ZNF717: variants seen among roughly 807,000 people sequenced by gnomAD.
ZNF717 encodes the protein zinc finger protein 717.
In ZNF717, 9 loss-of-function variants were observed where a neutral mutation model predicts 13.8. The observed-to-expected ratio is 0.65, with a 90% confidence interval of 0.39 to 1.14. The LOEUF is 1.14. ZNF717 is among the 50% of genes most tolerant of loss of function. ZNF717 has a pLI of 0.01. For synonymous variants in ZNF717, 327 were observed against 364.1 expected (o/e 0.90, Z 1.16); for missense variants, 1,040 against 1,080.7 (o/e 0.96, Z 0.53).
downstream of ZNF717, among the ~76,000 whole-genome samples, chr3:75,728,614 C>T (rs1480255213): frequency 6.6e-6 from 1 of 152,204 alleles, no homozygotes; most frequent in East Asian, 1.9e-4. Context: ...CACATGAGAT[C>T]TGATGGTTTT....
downstream of ZNF717, among the ~76,000 whole-genome samples, chr3:75,707,594 C>T (rs75527496): frequency 9.3e-6 from 1 of 107,860 alleles, no homozygotes; most frequent in Non-Finnish European, 2.0e-5. Context: ...GAGTGCCAGA[C>T]AGTGGGTGCA....
At chr3:75,748,984 G>A (rs372832384) in intron 2 of ZNF717, among the ~76,000 whole-genome samples, 67 of 149,172 alleles carry the variant, frequency 4.5e-4, no homozygotes, top group African/African-American at 1.6e-3. Context: ...CCCTCACATA[G>A]GATTTCAAAA....
intron 2 of ZNF717, among the ~76,000 whole-genome samples, chr3:75,780,231 G>T (rs573639312): frequency 6.6e-6 from 1 of 151,706 alleles, no homozygotes; most frequent in Non-Finnish European, 1.5e-5. Flanking sequence ...AACAATGGGA[G>T]TGACGTGCTA....
chr3:75,724,201 A>T (rs75852632), intron 4 of ZNF717, among the ~76,000 whole-genome samples: 425 of 120,240 alleles, frequency 3.5e-3, no homozygotes, highest in Admixed American at 5.5e-3. Context: ...TTGTATCCAA[A>T]AAATAACAGC....
In ZNF717 at chr3:75,737,902, C is replaced by G. The variant is rs1332340990; in HGVS notation, c.1721G>C (p.Cys574Ser). ...ECNECGKSFH[C>S]KSFLTIHQRT... ...CTGATGTATAGTTAGGAATGACTTACAGTGAAAGGATTTTCCACATTCATT... is the reference window on the plus strand; with the variant it reads ...CTGATGTATAGTTAGGAATGACTTAGAGTGAAAGGATTTTCCACATTCATT... Residue 574 changes from cysteine to serine, a missense_variant, in exon 5 of 5, where the codon TGT becomes TCT. Coordinates refer to ENST00000652011, the MANE Select transcript of ZNF717 (RefSeq NM_001290208.3). The G allele has an allele frequency of 1.9e-6, 3 of 1,547,018 alleles. No individual in the cohort carries two copies. Among genetic ancestry groups the G allele is most frequent in the East Asian group, 4.9e-5 (2 of 40,634 alleles).
Position 75,738,152 on chromosome 3 carries a change from T to TA in ZNF717, c.1470dup (p.Lys491Ter). ...CATTGATGGATAGTGAGGAATGACT[T>TA]ACGGTGAAACGTTTTCCCACATTCA... On this transcript the variant is annotated frameshift_variant, in exon 5 of 5. Transcript: ENST00000652011. LOFTEE classifies it low-confidence loss of function (END_TRUNC). The TA allele has an allele frequency of 2.2e-6, 3 of 1,364,654 alleles. No individual in the cohort carries two copies. The highest frequency in any genetic ancestry group is 1.4e-5 in the South Asian group (1 of 70,284). The allele number at this position is 1,364,654 out of a possible 1,614,324, so 84.5% of individuals were successfully genotyped here.
chr3:75,724,082 C>CT (rs1938226118), intron 4 of ZNF717, among the ~76,000 whole-genome samples: 2 of 150,400 alleles, frequency 1.3e-5, no homozygotes, highest in East Asian at 2.0e-4. Flanking sequence ...TCTCTCTCTC[C>CT]CCACCTCGGC....
At chr3:75,705,687 G>T (rs892679386), downstream of ZNF717, among the ~76,000 whole-genome samples, 14 of 152,278 alleles carry the variant, frequency 9.2e-5, no homozygotes, top group Non-Finnish European at 1.8e-4. Flanking sequence ...ACATGCAGTA[G>T]GGCCTCTTAT....
rs1387157537 is a variant in ZNF717, at chr3:75,776,332, A to G, written c.57+6974T>C. On this transcript the variant is annotated intron_variant, in intron 2 of 4. Coordinates refer to ENST00000652011, the MANE Select transcript of ZNF717 (RefSeq NM_001290208.3). ...AACCTATATTCCTAGGAAAACAATC[A>G]AAACTTCAGGTACATTTGGTTACCT... is the stretch of plus-strand genomic sequence containing the variant. Among the ~76,000 whole-genome samples, 3 of 152,408 alleles carry G rather than the reference A, an allele frequency of 2.0e-5. No individual in the cohort carries two copies. In the East Asian group the frequency reaches 5.8e-4, roughly 29 times the overall value.
At chr3:75,770,687 T>C (rs1382975801) in intron 2 of ZNF717, among the ~76,000 whole-genome samples, 1 of 152,204 alleles carries the variant, frequency 6.6e-6, no homozygotes, top group Non-Finnish European at 1.5e-5. Context: ...GGCTGCATGG[T>C]AGTAATACCA....
At chr3:75,765,013 A>ATGTGTGTGTG (rs1559661747) in intron 2 of ZNF717, among the ~76,000 whole-genome samples, 2 of 19,568 alleles carry the variant, frequency 1.0e-4, no homozygotes, top group African/African-American at 2.8e-4. Context: ...ATATATATAT[A>ATGTGTGTGTG]TATATATATA....
At chr3:75,778,802 T>C (rs529750267) in intron 2 of ZNF717, among the ~76,000 whole-genome samples, 12 of 121,898 alleles carry the variant, frequency 9.8e-5, no homozygotes, top group Non-Finnish European at 1.8e-4. Context: ...ATGGGAGTGA[T>C]ATGCTAAAAC....
intron 5 of ZNF717, among the ~76,000 whole-genome samples, chr3:75,713,610 A>G (rs147919311): frequency 6.6e-6 from 1 of 151,784 alleles, no homozygotes; most frequent in Non-Finnish European, 1.5e-5. Context: ...CATATAACAT[A>G]TCCACATAAA....
chr3:75,768,367 G>C (rs1357963287), intron 2 of ZNF717, among the ~76,000 whole-genome samples: 5 of 121,540 alleles, frequency 4.1e-5, no homozygotes, highest in South Asian at 5.9e-4. Context: ...GTGTGGGGGG[G>C]GGGGGTAGAT....
chr3:75,703,398 T>C (rs1474038212), intron 6 of ZNF717, among the ~76,000 whole-genome samples: 28 of 152,294 alleles, frequency 1.8e-4, no homozygotes, highest in Non-Finnish European at 3.5e-4. Context: ...AGTGTCATGA[T>C]GCATGCCTGT....
At chr3:75,732,149 T>G (rs111349601), downstream of ZNF717, 6 of 702,750 alleles carry the variant, frequency 8.5e-6, no homozygotes, top group African/African-American at 1.0e-4. Flanking sequence ...GAAAACCATC[T>G]TAAAATATGC....
intron 5 of ZNF717, among the ~76,000 whole-genome samples, chr3:75,712,659 C>T (rs1575716904): frequency 6.6e-6 from 1 of 152,078 alleles, no homozygotes; most frequent in African/African-American, 2.4e-5. Flanking sequence ...GAAAATTTAC[C>T]ACACAAGATT....
chr3:75,771,506 C>T (rs909181975), intron 2 of ZNF717, among the ~76,000 whole-genome samples: 4 of 152,228 alleles, frequency 2.6e-5, no homozygotes, highest in African/African-American at 7.2e-5. Context: ...ACTGCTAGGG[C>T]CTCCGGAGCG....
At chr3:75,704,221 G>C (rs374483950) in intron 6 of ZNF717, among the ~76,000 whole-genome samples, 1 of 152,312 alleles carries the variant, frequency 6.6e-6, no homozygotes, top group South Asian at 2.1e-4. Flanking sequence ...CTGTAATGGA[G>C]TCATTTCTAA....
Sources: gnomAD v4.1 joint callset for allele counts (sites outside exome capture counted in the v4.1 genomes callset) on GRCh38, gnomAD v4.1.1 for gene constraint, MANE v1.5 for transcripts, NCBI Gene and HGNC (gene_info 2026-07-23, HGNC 2026-07-21) for gene names.